The following TBCC variants were observed in gnomAD, a reference collection of about 807,000 sequenced individuals.
TBCC encodes the protein tubulin-specific chaperone C.
Under a neutral mutation model 25.3 loss-of-function variants are expected in TBCC, and 25 were observed. The observed-to-expected ratio is 0.99, with a 90% CI of 0.72 to 1.38. TBCC has a LOEUF of 1.38. Among genes scored for constraint, TBCC ranks in the 40% most tolerant of loss-of-function variants. The pLI is 0.00. For synonymous variants in TBCC, 226 were observed against 192.8 expected, an observed-to-expected ratio of 1.17 and a Z score of -1.43; for missense variants, 507 against 447.2, an observed-to-expected ratio of 1.13 and a Z score of -1.21.
rs1193249010 is a variant in TBCC, at chr6:42,744,797, GC to G, written c.*235del. On this transcript the variant is annotated 3_prime_UTR_variant, in exon 1 of 1. Transcript: ENST00000372876. Reference sequence around the variant, plus strand: ...GCCTGTAATCCCAGCGCGCCACCACGCTGGGGGACGGAGTAAGACTCAGTCT... The same window carrying G: ...GCCTGTAATCCCAGCGCGCCACCACGTGGGGGACGGAGTAAGACTCAGTCT... 4.9e-6 allele frequency: 2 copies of G among 407,756 alleles called. No homozygotes were observed. The highest frequency in any genetic ancestry group is 4.1e-5 in the African/African-American group (2 of 49,350). 25.3% of individuals were successfully genotyped at this position (407,756 alleles called of 1,614,324 possible).
Position 42,745,550 on chromosome 6 carries a change from T to C in TBCC, c.524A>G (p.Glu175Gly), listed in dbSNP as rs750080534. The C allele has an allele frequency of 3.3e-5, 53 of 1,611,862 alleles. 1 individual carries two copies. In the South Asian group the frequency reaches 5.7e-4, roughly 17 times the overall value. Residue 175 changes from glutamate to glycine, a missense_variant, in exon 1 of 1, where the codon GAA becomes GGA. Transcript: ENST00000372876. This position sits in a 1 kb window ranked among gnomAD's most constrained non-coding sequence, Gnocchi z 4.2. ...GACCCAGCTGGGGCCGAGGTCTCCT[T>C]CCGCCTTCTTGGGCAGCGGGGAGTC... ...IQDSPLPKKA[E>G]GDLGPSWVCG...
chr6:42,745,536 GGCCGAGGTCTCCTTCC>G lies in TBCC; in HGVS notation c.522_537del (p.Glu175ProfsTer29). The G allele has an allele frequency of 6.2e-7, 1 of 1,611,108 alleles. No homozygotes were observed. Among genetic ancestry groups the G allele is most frequent in the Non-Finnish European group, 8.5e-7 (1 of 1,178,890 alleles). On this transcript the variant is annotated frameshift_variant, in exon 1 of 1. Transcript: ENST00000372876. LOFTEE classifies it high-confidence loss of function. This position sits in a 1 kb window ranked among gnomAD's most constrained non-coding sequence, Gnocchi z 4.2. ...TTGGAGAAACCGCAGACCCAGCTGG[GGCCGAGGTCTCCTTCC>G]GCCTTCTTGGGCAGCGGGGAGTCCT...
Position 42,746,098 on chromosome 6 carries a change from T to A in TBCC, c.-25A>T. 1 of 1,591,918 alleles carries A rather than the reference T, an allele frequency of 6.3e-7. No individual in the cohort carries two copies. Among genetic ancestry groups the A allele is most frequent in the Admixed American group, 1.7e-5 (1 of 57,206 alleles). ...TATTGGCTTCAAGCTTCCTCTCTCT[T>A]GTCTTCCTTCCTCCGGGCGCGCTGT... On this transcript the variant is annotated 5_prime_UTR_variant, in exon 1 of 1. Transcript: ENST00000372876.
In TBCC at chr6:42,745,117, G is replaced by A. The variant is rs1762236250; in HGVS notation, c.957C>T (p.Asp319=). 2 of 1,614,082 alleles carry A rather than the reference G, an allele frequency of 1.2e-6. No individual in the cohort carries two copies. Among genetic ancestry groups the A allele is most frequent in the African/African-American group, 1.3e-5 (1 of 74,936 alleles). The change falls in exon 1 of 1, where the codon GAC becomes GAT. Residue 319 remains aspartate, a synonymous_variant. Transcript: ENST00000372876. This position sits in a 1 kb window ranked among gnomAD's most constrained non-coding sequence, Gnocchi z 4.2. ...TATCCCGGGCCAGCCAGTTAAAATC[G>A]TCAACATCGTTCCAGTTATTTTTGC... ...DRSKNNWNDV[D]DFNWLARDMA... is the part of the protein sequence containing the mutation.
rs1177855390 is a variant in TBCC at position 42,744,882 on chromosome 6, G to A, written c.*151C>T. ...GTGTTATACCTGTTACGAATTTAAT[G>A]GAAATTACAAGTAGGAGCCCATTAC... On this transcript the variant is annotated 3_prime_UTR_variant, in exon 1 of 1. Coordinates refer to ENST00000372876, the MANE Select transcript of TBCC (RefSeq NM_003192.3). The A allele has an allele frequency of 6.7e-6, 5 of 746,134 alleles. No homozygotes were observed. Among genetic ancestry groups the A allele is most frequent in the Non-Finnish European group, 1.1e-5 (5 of 460,508 alleles). 46.2% of individuals were successfully genotyped at this position (746,134 alleles called of 1,614,324 possible).
chr6:42,744,888 T>C lies in TBCC; in HGVS notation c.*145A>G. 1 of 767,190 alleles carries C rather than the reference T, an allele frequency of 1.3e-6. No individual in the cohort carries two copies. Among genetic ancestry groups the C allele is most frequent in the East Asian group, 2.7e-5 (1 of 37,220 alleles). The allele number at this position is 767,190 out of a possible 1,614,324, so 47.5% of individuals were successfully genotyped here. On this transcript the variant is annotated 3_prime_UTR_variant, in exon 1 of 1. Coordinates refer to ENST00000372876, the MANE Select transcript of TBCC (RefSeq NM_003192.3). ...TACCTGTTACGAATTTAATGGAAAT[T>C]ACAAGTAGGAGCCCATTACAATCTC...
In TBCC at chr6:42,744,833, G is replaced by C. The variant is rs1303716437; in HGVS notation, c.*200C>G. On this transcript the variant is annotated 3_prime_UTR_variant, in exon 1 of 1. Transcript: ENST00000372876. ...GAGTAAGACTCAGTCTCAAAGGCATGACGAAAATAGCAAAAATGCTTTAGT... is the reference window on the plus strand; with the variant it reads ...GAGTAAGACTCAGTCTCAAAGGCATCACGAAAATAGCAAAAATGCTTTAGT... 3 of 600,414 alleles carry C rather than the reference G, an allele frequency of 5.0e-6. No individual in the cohort carries two copies. The highest frequency in any genetic ancestry group is 3.0e-5 in the Admixed American group (1 of 32,932). 37.2% of individuals were successfully genotyped at this position (600,414 alleles called of 1,614,324 possible). A position where few individuals can be genotyped will look rare whatever the true frequency, so the allele number is the denominator to read the frequency against.
At position 42,745,293 on chromosome 6, in the gene TBCC, G is replaced by T; in HGVS notation, c.781C>A (p.Leu261Ile). The T allele has an allele frequency of 6.2e-7, 1 of 1,614,258 alleles. No individual in the cohort carries two copies. Among genetic ancestry groups the T allele is most frequent in the Non-Finnish European group, 8.5e-7 (1 of 1,180,048 alleles). The change falls in exon 1 of 1, where the codon CTC (leucine) becomes ATC (isoleucine). Residue 261 changes from leucine (L) to isoleucine (I), a missense_variant. Physicochemically the swap from Leu to Ile is conservative, Grantham distance 5. Coordinates refer to ENST00000372876, the MANE Select transcript of TBCC (RefSeq NM_003192.3). The surrounding 1 kb of genome is among the most constrained non-coding windows in gnomAD (Gnocchi z 4.2). ...GTGTCTTTCGTACTGTGTATGCGGA[G>T]CTGTTGGCAGGCCACTGCCAGCACG... ...DCVLAVACQQ[L>I]RIHSTKDTRI...
chr6:42,745,402 G>A lies in TBCC; in HGVS notation c.672C>T (p.Thr224=), dbSNP rs376520126. Residue 224 remains threonine, a synonymous_variant, in exon 1 of 1, where the codon ACC becomes ACT. Coordinates refer to ENST00000372876, the MANE Select transcript of TBCC (RefSeq NM_003192.3). The surrounding 1 kb of genome is among the most constrained non-coding windows in gnomAD (Gnocchi z 4.2). ...CTVRLYGNPN[T]LRLTKAHSCK... ...AGCTGTGGGCCTTGGTTAGCCGCAG[G>A]GTGTTGGGATTTCCATACAGTCTGA... 5.6e-6 allele frequency: 9 copies of A among 1,614,218 alleles called. No homozygotes were observed. The highest frequency in any genetic ancestry group is 1.6e-4 in the Middle Eastern group (1 of 6,062).
At position 42,744,930 on chromosome 6, in the gene TBCC, A is replaced by C; in HGVS notation, c.*103T>G. On this transcript the variant is annotated 3_prime_UTR_variant, in exon 1 of 1. Coordinates refer to ENST00000372876, the MANE Select transcript of TBCC (RefSeq NM_003192.3). Reference sequence around the variant, plus strand: ...TACAATCTCTAGCCTTAAAATGCTGAAAACATACACAGTGTGACAATAAGT... The same window carrying C: ...TACAATCTCTAGCCTTAAAATGCTGCAAACATACACAGTGTGACAATAAGT... 1 of 1,126,392 alleles carries C rather than the reference A, an allele frequency of 8.9e-7. No individual in the cohort carries two copies. Among genetic ancestry groups the C allele is most frequent in the Non-Finnish European group, 1.3e-6 (1 of 788,868 alleles). 69.8% of individuals were successfully genotyped at this position (1,126,392 alleles called of 1,614,324 possible).
Position 42,745,469 on chromosome 6 carries a change from T to C in TBCC, c.605A>G (p.His202Arg). The C allele has an allele frequency of 1.2e-6, 2 of 1,613,344 alleles. No individual in the cohort carries two copies. Among genetic ancestry groups the C allele is most frequent in the South Asian group, 1.1e-5 (1 of 90,948 alleles). Residue 202 changes from histidine (H) to arginine (R), a missense_variant, in exon 1 of 1, where the codon CAC (histidine) becomes CGC (arginine). Physicochemically the swap from His to Arg is conservative, Grantham distance 29. Coordinates refer to ENST00000372876, the MANE Select transcript of TBCC (RefSeq NM_003192.3). The surrounding 1 kb of genome is among the most constrained non-coding windows in gnomAD (Gnocchi z 4.2). ...TTCGGTCAAAAGAACGTCGCGCTGG[T>C]GCAACTCGCTGGCTCTCTTCTCCAA... is the stretch of plus-strand genomic sequence containing the variant. ...QVLEKRASEL[H>R]QRDVLLTELS...
rs746182630 is a variant in TBCC at position 42,746,092 on chromosome 6, C to G, written c.-19G>C. Reference sequence around the variant, plus strand: ...ACTCCATATTGGCTTCAAGCTTCCTCTCTCTTGTCTTCCTTCCTCCGGGCG... The same window carrying G: ...ACTCCATATTGGCTTCAAGCTTCCTGTCTCTTGTCTTCCTTCCTCCGGGCG... On this transcript the variant is annotated 5_prime_UTR_variant, in exon 1 of 1. Coordinates refer to ENST00000372876, the MANE Select transcript of TBCC (RefSeq NM_003192.3). 1.3e-5 allele frequency: 21 copies of G among 1,596,628 alleles called. 1 individual carries two copies. In the Middle Eastern group the frequency reaches 8.4e-4, roughly 63 times the overall value.
At position 42,745,831 on chromosome 6, in the gene TBCC, G is replaced by C; in HGVS notation, c.243C>G (p.Val81=). ...GAGAGGCCGCCTCCTCCAGCCGCTC[G>C]ACCGACTCCGCGCGCTCCAGAAGCT... The part of the protein sequence containing the change: ...VEELLERAES[V]ERLEEAASRL... Residue 81 remains valine (V), a synonymous_variant, in exon 1 of 1, where the codon GTC becomes GTG. Transcript: ENST00000372876. The surrounding 1 kb of genome is among the most constrained non-coding windows in gnomAD (Gnocchi z 4.2). 6.2e-7 allele frequency: 1 copy of C among 1,613,142 alleles called. No individual in the cohort carries two copies. Among genetic ancestry groups the C allele is most frequent in the Non-Finnish European group, 8.5e-7 (1 of 1,180,024 alleles).
rs1762253052 is a variant in TBCC, at chr6:42,745,637, G to A, written c.437C>T (p.Ala146Val). The change falls in exon 1 of 1, where the codon GCT becomes GTT. Residue 146 changes from alanine to valine, a missense_variant. By Grantham distance (64) the Ala-to-Val change is moderately conservative. Transcript: ENST00000372876. This position sits in a 1 kb window ranked among gnomAD's most constrained non-coding sequence, Gnocchi z 4.2. ...RFAFKTRGKD[A>V]ASSTKVDAAP... Reference sequence around the variant, plus strand: ...CGCGTCTACTTTGGTAGACGAAGCAGCATCCTTTCCCCGGGTCTTGAAAGC... The same window carrying A: ...CGCGTCTACTTTGGTAGACGAAGCAACATCCTTTCCCCGGGTCTTGAAAGC... 6.2e-7 allele frequency: 1 copy of A among 1,612,792 alleles called. No homozygotes were observed.
chr6:42,745,426 G>A lies in TBCC; in HGVS notation c.648C>T (p.Val216=). The change falls in exon 1 of 1, where the codon GTC becomes GTT. Residue 216 remains valine (V), a synonymous_variant. Coordinates refer to ENST00000372876, the MANE Select transcript of TBCC (RefSeq NM_003192.3). The surrounding 1 kb of genome is among the most constrained non-coding windows in gnomAD (Gnocchi z 4.2). ...VLLTELSNCT[V]RLYGNPNTLR... The stretch of plus-strand genomic sequence containing the variant: ...GGGTGTTGGGATTTCCATACAGTCT[G>A]ACCGTGCAGTTGCTCAGTTCGGTCA... 1.2e-6 allele frequency: 2 copies of A among 1,614,218 alleles called. No individual in the cohort carries two copies. The highest frequency in any genetic ancestry group is 1.7e-5 in the Admixed American group (1 of 60,016).
rs894783462 is a variant in TBCC at position 42,744,808 on chromosome 6, G to A, written c.*225C>T. ...CAGCGCGCCACCACGCTGGGGGACG[G>A]AGTAAGACTCAGTCTCAAAGGCATG... On this transcript the variant is annotated 3_prime_UTR_variant, in exon 1 of 1. Coordinates refer to ENST00000372876, the MANE Select transcript of TBCC (RefSeq NM_003192.3). The A allele has an allele frequency of 7.7e-6, 4 of 520,090 alleles. No individual in the cohort carries two copies. Among genetic ancestry groups the A allele is most frequent in the Non-Finnish European group, 1.4e-5 (4 of 294,822 alleles). 32.2% of individuals were successfully genotyped at this position (520,090 alleles called of 1,614,324 possible). A position where few individuals can be genotyped will look rare whatever the true frequency, so the allele number is the denominator to read the frequency against.
chr6:42,744,760 G>C lies in TBCC; in HGVS notation c.*273C>G, dbSNP rs1762227948. The C allele has an allele frequency of 3.8e-6, 1 of 264,158 alleles. No homozygotes were observed. The highest frequency in any genetic ancestry group is 7.0e-5 in the East Asian group (1 of 14,316). 16.4% of individuals were successfully genotyped at this position (264,158 alleles called of 1,614,324 possible). The stretch of plus-strand genomic sequence containing the variant: ...GTCTCTACTAAAAATACAAGTTCGC[G>C]TGGTGGCGCGCGCCTGTAATCCCAG... On this transcript the variant is annotated 3_prime_UTR_variant, in exon 1 of 1. Coordinates refer to ENST00000372876, the MANE Select transcript of TBCC (RefSeq NM_003192.3).
Position 42,745,762 on chromosome 6 carries a change from G to GA in TBCC, c.311dup (p.Leu105ProfsTer59). Reference sequence around the variant, plus strand: ...CCTGCCGCAGGTCGTAAGCGGCTAGGAAAAAAACTGAGTCGTTGATTAGTT... The same window carrying GA: ...CCTGCCGCAGGTCGTAAGCGGCTAGGAAAAAAAACTGAGTCGTTGATTAGTT... On this transcript the variant is annotated frameshift_variant, in exon 1 of 1. Coordinates refer to ENST00000372876, the MANE Select transcript of TBCC (RefSeq NM_003192.3). LOFTEE classifies it high-confidence loss of function. This position sits in a 1 kb window ranked among gnomAD's most constrained non-coding sequence, Gnocchi z 4.2. 6.2e-7 allele frequency: 1 copy of GA among 1,613,914 alleles called. No individual in the cohort carries two copies. Among genetic ancestry groups the GA allele is most frequent in the Non-Finnish European group, 8.5e-7 (1 of 1,180,026 alleles).
rs1320746679 is a variant in TBCC at position 42,745,465 on chromosome 6, C to G, written c.609G>C (p.Gln203His). 1 of 1,613,724 alleles carries G rather than the reference C, an allele frequency of 6.2e-7. No individual in the cohort carries two copies. Among genetic ancestry groups the G allele is most frequent in the Admixed American group, 1.7e-5 (1 of 59,888 alleles). ...TCAGTTCGGTCAAAAGAACGTCGCG[C>G]TGGTGCAACTCGCTGGCTCTCTTCT... The part of the protein sequence containing the change: ...VLEKRASELH[Q>H]RDVLLTELSN... The change falls in exon 1 of 1, where the codon CAG becomes CAC. Residue 203 changes from glutamine (Q) to histidine (H), a missense_variant. Gln to His is a conservative substitution (Grantham distance 24, BLOSUM62 0). Coordinates refer to ENST00000372876, the MANE Select transcript of TBCC (RefSeq NM_003192.3). The surrounding 1 kb of genome is among the most constrained non-coding windows in gnomAD (Gnocchi z 4.2).
Sources: gnomAD v4.1 joint callset for allele counts on GRCh38, gnomAD v4.1.1 for gene constraint, Gnocchi (gnomAD v3.1) non-coding constraint, MANE v1.5 for transcripts, NCBI Gene and HGNC (gene_info 2026-07-23, HGNC 2026-07-21) for gene names.